Variants in NEDD1 observed in about 807,000 individuals in gnomAD.
The protein encoded by NEDD1 is NEDD1 gamma-tubulin ring complex targeting factor.
In NEDD1, 33 loss-of-function variants were observed where a neutral mutation model predicts 74.0. That is an observed-to-expected ratio of 0.45 (90% confidence interval 0.34 to 0.60). The LOEUF (loss-of-function observed/expected upper bound fraction) is 0.60. Among genes scored for constraint, NEDD1 ranks in the 20% least tolerant of loss-of-function variants. NEDD1 has a pLI of 0.01. For synonymous variants in NEDD1, 250 were observed against 264.4 expected, an observed-to-expected ratio of 0.95 and a Z score of 0.53; for missense variants, 746 against 776.5, an observed-to-expected ratio of 0.96 and a Z score of 0.47.
In NEDD1 at chr12:96,938,803, C is replaced by T. The variant is rs904245282; in HGVS notation, c.1117+1410C>T. Among the ~76,000 whole-genome samples, 123 of 134,992 alleles carry T rather than the reference C, an allele frequency of 9.1e-4. 1 individual carries two copies. Among genetic ancestry groups the T allele is most frequent in the African/African-American group, 3.2e-3 (116 of 35,994 alleles). The allele number at this position is 134,992 out of a possible 152,430, so 88.6% of individuals were successfully genotyped here. On this transcript the variant is annotated intron_variant, in intron 9 of 15. Transcript: ENST00000266742. ...TTTGCTTCATCATTCTCTTTCTCTT[C>T]CTCTCTCTGTCTCTCATTCTCTCTC...
chr12:96,908,039 T>TA (rs1873512686), intron 2 of NEDD1, among the ~76,000 whole-genome samples, 183 bp downstream of exon 2: 2 of 152,188 alleles, frequency 1.3e-5, no homozygotes, highest in African/African-American at 2.4e-5. Context: ...ACGATGCAGT[T>TA]AGACACAGCT....
At chr12:96,946,710 ATG>A (rs1287307491) in intron 14 of NEDD1, among the ~76,000 whole-genome samples, 1 of 152,192 alleles carries the variant, frequency 6.6e-6, no homozygotes, top group Non-Finnish European at 1.5e-5. Context: ...GTGTTCTGCC[ATG>A]TGTGTTTCTC....
intron 11 of NEDD1, 67 bp downstream of exon 11, chr12:96,942,691 A>G: frequency 1.3e-6 from 1 of 792,230 alleles, no homozygotes. Context: ...GCTGTGTAAC[A>G]AATCTCTCCA....
chr12:96,948,937 G>C (rs553137009), intron 14 of NEDD1, among the ~76,000 whole-genome samples: 10 of 152,256 alleles, frequency 6.6e-5, no homozygotes, highest in South Asian at 6.2e-4. Flanking sequence ...CTAACCCAGG[G>C]GGAGCATTGC....
intron 6 of NEDD1, among the ~76,000 whole-genome samples, chr12:96,925,833 G>C (rs1875630088): frequency 6.6e-6 from 1 of 152,152 alleles, no homozygotes; most frequent in Admixed American, 6.5e-5. Context: ...AGATCTTCAT[G>C]GGCCTGCTGC....
intron 3 of NEDD1, among the ~76,000 whole-genome samples, chr12:96,911,961 T>C (rs1413099598): frequency 1.3e-5 from 2 of 152,190 alleles, no homozygotes; most frequent in African/African-American, 4.8e-5. Flanking sequence ...TTTAAACTTC[T>C]GATATTTTAA....
intron 6 of NEDD1, chr12:96,925,081 ATAAGTATACAGTTAACCAAACAGAATGT>A: frequency 3.8e-6 from 1 of 261,422 alleles, no homozygotes; most frequent in South Asian, 3.8e-5. Flanking sequence ...GCAATAAGCA[ATAAGTATACAGTTAACCAAACAGAATGT>A]TGAGTGCTGT....
intron 14 of NEDD1, among the ~76,000 whole-genome samples, chr12:96,946,863 C>A (rs1385227299): frequency 6.6e-6 from 1 of 152,158 alleles, no homozygotes; most frequent in African/African-American, 2.4e-5. Flanking sequence ...CCGTCAGCAT[C>A]CATCTCTTTT....
rs747472341 is a variant in NEDD1, at chr12:96,917,614, T to TA, written c.232-4dup. The TA allele has an allele frequency of 8.6e-5, 124 of 1,441,390 alleles. No individual in the cohort carries two copies. Among genetic ancestry groups the TA allele is most frequent in the Non-Finnish European group, 9.9e-5 (109 of 1,095,812 alleles). 89.3% of individuals were successfully genotyped at this position (1,441,390 alleles called of 1,614,324 possible). ...TTAAGGTAACTTTTTTTTTTTTTTT[T>TA]AAATAGCAAAAGCAGACATGTGTCA... On this transcript the variant is annotated splice_polypyrimidine_tract_variant and splice_region_variant and intron_variant, in intron 4 of 15. Coordinates refer to ENST00000266742, the MANE Select transcript of NEDD1 (RefSeq NM_152905.4).
intron 1 of NEDD1, 76 bp from the exon 2 acceptor site, chr12:96,907,528 T>G: frequency 8.1e-7 from 1 of 1,233,774 alleles, no homozygotes; most frequent in Non-Finnish European, 1.2e-6. Context: ...TGGGGTGTGC[T>G]GCCTCCGAAA....
intron 14 of NEDD1, 73 bp downstream of exon 14, chr12:96,945,922 A>G: frequency 1.1e-6 from 1 of 895,174 alleles, no homozygotes; most frequent in Non-Finnish European, 1.8e-6. Flanking sequence ...CCAGAACTAT[A>G]GATAATGTTG....
In NEDD1 at chr12:96,907,824, T is replaced by G. The variant is rs1347637184; in HGVS notation, c.-41T>G. ...GTCTTTGAGGGACTCATGTAAAGTC[T>G]CTCCCTTAATGCTCAGTTCTTAGAA... On this transcript the variant is annotated 5_prime_UTR_variant, in exon 2 of 16. Transcript: ENST00000266742. 6.9e-7 allele frequency: 1 copy of G among 1,444,542 alleles called. No homozygotes were observed. The highest frequency in any genetic ancestry group is 2.5e-5 in the East Asian group (1 of 39,458). 89.5% of individuals were successfully genotyped at this position (1,444,542 alleles called of 1,614,324 possible).
Position 96,953,216 on chromosome 12 carries a change from A to AC in NEDD1, c.*1163_*1164insC, listed in dbSNP as rs1565819763. 1 of 151,224 alleles carries AC rather than the reference A, an allele frequency of 6.6e-6. No homozygotes were observed. The highest frequency in any genetic ancestry group is 1.9e-4 in the East Asian group (1 of 5,194). 9.4% of individuals were successfully genotyped at this position (151,224 alleles called of 1,614,324 possible). ...GAAAGTATTTACTAAAATTAAAAAA[A>AC]AAAAAACAAAAAACAAACCTTTAGC... On this transcript the variant is annotated 3_prime_UTR_variant, in exon 16 of 16. Coordinates refer to ENST00000266742, the MANE Select transcript of NEDD1 (RefSeq NM_152905.4).
chr12:96,949,513 A>G lies in NEDD1; in HGVS notation c.1812-1919A>G, dbSNP rs534926191. ...GGTCAGTAGATTGAATGCAATTCCAATTAAAATCCCAGCTGGGATTTGGAA... is the reference window on the plus strand; with the variant it reads ...GGTCAGTAGATTGAATGCAATTCCAGTTAAAATCCCAGCTGGGATTTGGAA... On this transcript the variant is annotated intron_variant, in intron 14 of 15. Transcript: ENST00000266742. 5.3e-5 allele frequency among the ~76,000 whole-genome samples: 8 copies of G among 152,300 alleles called. 1 individual carries two copies. Among genetic ancestry groups the G allele is most frequent in the South Asian group, 4.2e-4 (2 of 4,816 alleles).
chr12:96,909,985 C>G, intron 3 of NEDD1, 90 bp downstream of exon 3: 2 of 1,397,148 alleles, frequency 1.4e-6, no homozygotes, highest in Non-Finnish European at 1.9e-6. Context: ...TTGCATGTGC[C>G]TCATACTGAG....
intron 6 of NEDD1, 34 bp from the exon 7 acceptor site, chr12:96,934,942 T>A (rs1565803401): frequency 2.6e-6 from 1 of 386,954 alleles, no homozygotes; most frequent in East Asian, 7.9e-5. Context: ...TGAATGCTTA[T>A]AATTACATAA....
At chr12:96,940,042 A>G (rs950018390) in intron 9 of NEDD1, among the ~76,000 whole-genome samples, 8 of 152,064 alleles carry the variant, frequency 5.3e-5, no homozygotes, top group African/African-American at 1.7e-4. Context: ...TGAGTCAGTC[A>G]ATAGCAAAAG....
At chr12:96,939,572 C>T (rs1877462967) in intron 9 of NEDD1, among the ~76,000 whole-genome samples, 1 of 151,976 alleles carries the variant, frequency 6.6e-6, no homozygotes, top group South Asian at 2.1e-4. Flanking sequence ...CCAAATAAAG[C>T]ACTTTTTAAA....
At chr12:96,928,812 G>A (rs981950088) in intron 6 of NEDD1, among the ~76,000 whole-genome samples, 14 of 148,180 alleles carry the variant, frequency 9.4e-5, no homozygotes, top group African/African-American at 3.2e-4. Context: ...TCAGCCTCCC[G>A]AGTAGCTGCG....
Sources: gnomAD v4.1 joint callset for allele counts (sites outside exome capture counted in the v4.1 genomes callset) on GRCh38, gnomAD v4.1.1 for gene constraint, MANE v1.5 for transcripts, NCBI Gene and HGNC (gene_info 2026-07-23, HGNC 2026-07-21) for gene names.